Variants in SRA1 observed in about 807,000 individuals in gnomAD.
SRA1 encodes steroid receptor RNA activator 1.
Under a neutral mutation model 24.3 loss-of-function variants are expected in SRA1, and 25 were observed. The ratio of observed to expected loss-of-function variants is 1.03; its 90% CI spans 0.75 to 1.43. The LOEUF is 1.43. Among genes scored for constraint, SRA1 ranks in the 40% most tolerant of loss-of-function variants. The pLI, the probability that SRA1 is intolerant of heterozygous loss-of-function variation, is 0.00. For synonymous variants in SRA1, 104 were observed against 109.5 expected (o/e 0.95, Z 0.31); for missense variants, 303 against 286.6 (o/e 1.06, Z -0.41).
rs545437772 is a variant in SRA1 at position 140,557,438 on chromosome 5, G to C, written c.15C>G (p.Tyr5Ter). 1.9e-6 allele frequency: 3 copies of C among 1,565,510 alleles called. No homozygotes were observed. The highest frequency in any genetic ancestry group is 2.6e-6 in the Non-Finnish European group (3 of 1,156,812). Residue 5 changes from tyrosine to a stop codon, truncating the protein, a stop_gained, in exon 1 of 5, where the codon TAC becomes TAG. Coordinates refer to ENST00000336283, the MANE Select transcript of SRA1 (RefSeq NM_001035235.4). LOFTEE classifies it high-confidence loss of function. The stretch of plus-strand genomic sequence containing the variant: ...GCCGGCTGCGCTCACCCGGCTTCAC[G>C]TACAGCTCCGCCATCTCCACTTCCG... MAEL[Y>*]VKPGNKERGW...
In SRA1 at chr5:140,551,037, C is replaced by A. The variant is rs1220834556; in HGVS notation, c.463+24G>T. ...AACCACAGCAGGAAAGGGATTTAGGCTATACCAAAGAACCCACCCATACCT... is the reference window on the plus strand; with the variant it reads ...AACCACAGCAGGAAAGGGATTTAGGATATACCAAAGAACCCACCCATACCT... On this transcript the variant is annotated intron_variant, in intron 4 of 4. Coordinates refer to ENST00000336283, the MANE Select transcript of SRA1 (RefSeq NM_001035235.4). 3 of 1,600,756 alleles carry A rather than the reference C, an allele frequency of 1.9e-6. No individual in the cohort carries two copies. The South Asian group carries it at 3.3e-5, about 18-fold the overall frequency.
Position 140,552,179 on chromosome 5 carries a change from C to A in SRA1, c.157G>T (p.Ala53Ser). 6.4e-7 allele frequency: 1 copy of A among 1,567,170 alleles called. No homozygotes were observed. The highest frequency in any genetic ancestry group is 8.6e-7 in the Non-Finnish European group (1 of 1,156,502). ...GGAGGCCCAGGAGAAGTCTCTGATG[C>A]GGGGACTGAAAAGGTACAGCAGGAT... ...APQDGSPRVP[A>S]SETSPGPPPM... The change falls in exon 3 of 5, where the codon GCA becomes TCA. Residue 53 changes from alanine (A) to serine (S), a missense_variant. Transcript: ENST00000336283.
At chr5:140,550,990 C>T (rs535910791) in intron 4 of SRA1, 71 bp downstream of exon 4, 3 of 1,580,568 alleles carry the variant, frequency 1.9e-6, no homozygotes, top group East Asian at 2.2e-5. Context: ...ATCAAAATCT[C>T]AGCACCTGCT....
chr5:140,550,441 GCAGTCGAGGA>G lies in SRA1; in HGVS notation c.*249_*258del. ...GGTTTGCAGATACACAGGGAGCAGG[GCAGTCGAGGA>G]CACCAGAGGGGACTAGCTTGGCACC... is the stretch of plus-strand genomic sequence containing the variant. On this transcript the variant is annotated 3_prime_UTR_variant, in exon 5 of 5. Coordinates refer to ENST00000336283, the MANE Select transcript of SRA1 (RefSeq NM_001035235.4). 1.8e-6 allele frequency: 1 copy of G among 540,672 alleles called. No homozygotes were observed. The highest frequency in any genetic ancestry group is 3.3e-6 in the Non-Finnish European group (1 of 300,578). 33.5% of individuals were successfully genotyped at this position (540,672 alleles called of 1,614,324 possible).
At chr5:140,551,359 A>G in intron 3 of SRA1, 190 bp from the exon 4 acceptor site, 1 of 560,118 alleles carries the variant, frequency 1.8e-6, no homozygotes, top group Non-Finnish European at 3.2e-6. Context: ...TCTTCTTCTG[A>G]CACTGCCTGA....
At position 140,550,726 on chromosome 5, in the gene SRA1, T is replaced by C; in HGVS notation, c.649A>G (p.Ile217Val). The change falls in exon 5 of 5, where the codon ATA (isoleucine) becomes GTA (valine). Residue 217 changes from isoleucine to valine, a missense_variant. Transcript: ENST00000336283. ...SAATAEKNHT[I>V]PGFQQAS The stretch of plus-strand genomic sequence containing the variant: ...TATGAAGCCTGCTGGAAGCCTGGTA[T>C]GGTATGGTTCTTCTCAGCTGTGGCT... The C allele has an allele frequency of 6.2e-7, 1 of 1,614,142 alleles. No individual in the cohort carries two copies. Among genetic ancestry groups the C allele is most frequent in the Non-Finnish European group, 8.5e-7 (1 of 1,180,024 alleles).
At chr5:140,552,285 A>G (rs1754587056) in intron 2 of SRA1, 101 bp from the exon 3 acceptor site, 3 of 888,514 alleles carry the variant, frequency 3.4e-6, no homozygotes. Context: ...GAGACAACTT[A>G]TTCATTCAAA....
chr5:140,552,204 T>A lies in SRA1; in HGVS notation c.152-20A>T. ...CGGGGACTGAAAAGGTACAGCAGGA[T>A]CAAGCAACATGGCTTAAATGGGTAA... On this transcript the variant is annotated intron_variant, in intron 2 of 4. Transcript: ENST00000336283. 6.5e-7 allele frequency: 1 copy of A among 1,536,982 alleles called. No individual in the cohort carries two copies. Among genetic ancestry groups the A allele is most frequent in the Non-Finnish European group, 8.8e-7 (1 of 1,136,594 alleles).
At chr5:140,555,705 A>T (rs1754676780) in intron 2 of SRA1, among the ~76,000 whole-genome samples, 1 of 152,056 alleles carries the variant, frequency 6.6e-6, no homozygotes, top group Non-Finnish European at 1.5e-5. Flanking sequence ...AACATTCCCC[A>T]AAAGTAACAG....
Position 140,550,588 on chromosome 5 carries a change from T to C in SRA1, c.*112A>G. 1 of 971,600 alleles carries C rather than the reference T, an allele frequency of 1.0e-6. No individual in the cohort carries two copies. Among genetic ancestry groups the C allele is most frequent in the South Asian group, 1.4e-5 (1 of 71,088 alleles). The allele number at this position is 971,600 out of a possible 1,614,324, so 60.2% of individuals were successfully genotyped here. A position where few individuals can be genotyped will look rare whatever the true frequency, so the allele number is the denominator to read the frequency against. ...GGCCCAGGTGGGACTTCTTCCCTCATAGGTGGGTCAGGCCCAGTGGGACAG... is the reference window on the plus strand; with the variant it reads ...GGCCCAGGTGGGACTTCTTCCCTCACAGGTGGGTCAGGCCCAGTGGGACAG... On this transcript the variant is annotated 3_prime_UTR_variant, in exon 5 of 5. Coordinates refer to ENST00000336283, the MANE Select transcript of SRA1 (RefSeq NM_001035235.4).
At chr5:140,557,516 GT>G, upstream of SRA1, 3 of 1,520,838 alleles carry the variant, frequency 2.0e-6, no homozygotes, top group Non-Finnish European at 2.6e-6. Context: ...ACGCGGGCCA[GT>G]TGAGACACGT....
chr5:140,550,678 G>A lies in SRA1; in HGVS notation c.*22C>T, dbSNP rs201473526. The A allele has an allele frequency of 2.3e-4, 369 of 1,610,982 alleles. No homozygotes were observed. Among genetic ancestry groups the A allele is most frequent in the Admixed American group, 4.8e-4 (29 of 60,014 alleles). On this transcript the variant is annotated 3_prime_UTR_variant, in exon 5 of 5. Transcript: ENST00000336283. ...CTCCAAGGCATAGGAGATGGTGTCCGGTGAGTCTGGGGAACCGAGGATTAT... is the reference window on the plus strand; with the variant it reads ...CTCCAAGGCATAGGAGATGGTGTCCAGTGAGTCTGGGGAACCGAGGATTAT...
intron 2 of SRA1, among the ~76,000 whole-genome samples, chr5:140,554,995 C>G (rs971405057): frequency 6.6e-6 from 1 of 151,728 alleles, no homozygotes; most frequent in South Asian, 2.1e-4. Context: ...TCTCCTGCCT[C>G]AGCCTCCCGA....
chr5:140,557,661 C>T (rs578144665), upstream of SRA1: 2 of 616,704 alleles, frequency 3.2e-6, no homozygotes, highest in Non-Finnish European at 5.6e-6. Context: ...GGGCCCTGGT[C>T]ACAAGGCACC....
chr5:140,552,816 T>G (rs1463803690), intron 2 of SRA1, among the ~76,000 whole-genome samples: 1 of 151,900 alleles, frequency 6.6e-6, no homozygotes, highest in Non-Finnish European at 1.5e-5. Flanking sequence ...TAAAAAAATT[T>G]TAAAAGTTAG....
chr5:140,554,380 T>C (rs1412213768), intron 2 of SRA1, among the ~76,000 whole-genome samples: 1 of 152,234 alleles, frequency 6.6e-6, no homozygotes, highest in Non-Finnish European at 1.5e-5. Context: ...GCTATCTTCT[T>C]CTGACACTGC....
chr5:140,550,941 C>T (rs747644083), intron 4 of SRA1, 30 bp from the exon 5 acceptor site: 105 of 1,607,780 alleles, frequency 6.5e-5, no homozygotes, highest in Non-Finnish European at 8.8e-5. Flanking sequence ...GAGCAAGCAG[C>T]CTGTGGTACA....
At chr5:140,554,329 G>C (rs1754637484) in intron 2 of SRA1, among the ~76,000 whole-genome samples, 1 of 152,074 alleles carries the variant, frequency 6.6e-6, no homozygotes, top group African/African-American at 2.4e-5. Context: ...GGACATTTTG[G>C]CTCATTTTTT....
At chr5:140,557,742 A>C (rs1581401608), upstream of SRA1, 3 of 539,338 alleles carry the variant, frequency 5.6e-6, no homozygotes, top group Admixed American at 7.3e-5. Flanking sequence ...TCAAACAAAG[A>C]AGCTCCTGCC....
Sources: allele counts gnomAD v4.1 joint callset (sites outside exome capture counted in the v4.1 genomes callset), GRCh38; gene constraint gnomAD v4.1.1; transcripts MANE v1.5; gene names NCBI Gene and HGNC (gene_info 2026-07-23, HGNC 2026-07-21).